FOXJ3: variants seen among roughly 807,000 people sequenced by gnomAD.
The protein encoded by FOXJ3 is forkhead box J3, also known as forkhead box protein J3.
FOXJ3 carries 22 observed loss-of-function variants against 76.1 expected under a neutral mutation model. That is an observed-to-expected ratio of 0.29 (90% confidence interval 0.21 to 0.41). The LOEUF (loss-of-function observed/expected upper bound fraction) is 0.41. Ranked by LOEUF, FOXJ3 falls within the 10% of genes least tolerant of loss-of-function variation. FOXJ3 has a pLI of 1.00. For missense variants in FOXJ3, 613 were observed against 762.1 expected (o/e 0.80, Z 2.30); for synonymous variants, 269 against 261.2 (o/e 1.03, Z -0.29).
intron 4 of FOXJ3, among the ~76,000 whole-genome samples, chr1:42,246,507 T>C (rs1002951065): frequency 7.2e-5 from 11 of 151,938 alleles, no homozygotes; most frequent in African/African-American, 2.2e-4. Flanking sequence ...TTAGAATAGC[T>C]GTGATTAAAA....
chr1:42,216,025 T>C (rs1647057359), intron 5 of FOXJ3, among the ~76,000 whole-genome samples: 1 of 152,018 alleles, frequency 6.6e-6, no homozygotes, highest in Admixed American at 6.6e-5. Flanking sequence ...CATATACATA[T>C]ATATGTGAAA....
intron 5 of FOXJ3, among the ~76,000 whole-genome samples, chr1:42,209,952 G>A (rs1557639547): frequency 6.6e-6 from 1 of 152,172 alleles, no homozygotes; most frequent in Non-Finnish European, 1.5e-5. Context: ...AGACCTGGAG[G>A]GATATGGCCT....
intron 4 of FOXJ3, among the ~76,000 whole-genome samples, chr1:42,256,794 T>C (rs1034607449): frequency 1.3e-5 from 2 of 152,226 alleles, no homozygotes; most frequent in Non-Finnish European, 1.5e-5. Flanking sequence ...TCTTTATTAA[T>C]AGCGTAAAAC....
chr1:42,180,175 G>T (rs771528611), intron 12 of FOXJ3, among the ~76,000 whole-genome samples: 1 of 152,200 alleles, frequency 6.6e-6, no homozygotes, highest in Non-Finnish European at 1.5e-5. Flanking sequence ...CCAATACGTT[G>T]TTTCAGTAAC....
chr1:42,304,958 C>A (rs979443689), intron 2 of FOXJ3, among the ~76,000 whole-genome samples: 17 of 152,070 alleles, frequency 1.1e-4, no homozygotes, highest in African/African-American at 3.6e-4. Flanking sequence ...AAGAGACAAG[C>A]CACAAAATGG....
At chr1:42,260,795 C>T (rs1486388353) in intron 4 of FOXJ3, among the ~76,000 whole-genome samples, 1 of 152,212 alleles carries the variant, frequency 6.6e-6, no homozygotes, top group Non-Finnish European at 1.5e-5. Context: ...GGCTTTACAA[C>T]TTCCCATTCC....
chr1:42,233,870 G>C (rs1648359053), intron 4 of FOXJ3, among the ~76,000 whole-genome samples: 1 of 150,296 alleles, frequency 6.7e-6, no homozygotes, highest in African/African-American at 2.5e-5. Context: ...CCTGTCTTGT[G>C]CCAGTTTTCA....
intron 2 of FOXJ3, among the ~76,000 whole-genome samples, chr1:42,279,902 C>A (rs781504674): frequency 5.3e-5 from 8 of 151,994 alleles, no homozygotes; most frequent in Non-Finnish European, 1.0e-4. Context: ...TTCCAAATGG[C>A]TCCTGACAAA....
chr1:42,229,655 C>A (rs1647902237), intron 4 of FOXJ3, among the ~76,000 whole-genome samples: 1 of 152,082 alleles, frequency 6.6e-6, no homozygotes, highest in Admixed American at 6.5e-5. Flanking sequence ...GTGGTAAGAA[C>A]CTGCTAGGTA....
intron 4 of FOXJ3, among the ~76,000 whole-genome samples, chr1:42,257,994 T>G (rs929657863): frequency 6.6e-6 from 1 of 152,166 alleles, no homozygotes; most frequent in Non-Finnish European, 1.5e-5. Context: ...CCAAAAATGC[T>G]AATATTAATT....
intron 2 of FOXJ3, among the ~76,000 whole-genome samples, chr1:42,304,567 C>A (rs978274514): frequency 1.3e-5 from 2 of 152,092 alleles, no homozygotes; most frequent in African/African-American, 4.8e-5. Flanking sequence ...ACCAATGGAA[C>A]AGGATAGAGA....
rs1229990396 is a variant in FOXJ3, at chr1:42,278,465, G to A, written c.252C>T (p.Ala84=). ...TATTAATTGCAAATGTAATGAGGCT[G>A]GCATAACTGTATGGAGGTTTCCCAT... ...HKDGKPPYSY[A]SLITFAINSS... is the part of the protein sequence containing the mutation. Residue 84 remains alanine, a synonymous_variant, in exon 3 of 13, where the codon GCC becomes GCT. Coordinates refer to ENST00000361346, the MANE Select transcript of FOXJ3 (RefSeq NM_014947.5). The A allele has an allele frequency of 3.7e-6, 6 of 1,613,920 alleles. No homozygotes were observed. The highest frequency in any genetic ancestry group is 1.6e-4 in the Middle Eastern group (1 of 6,084).
At chr1:42,309,313 C>G (rs1016387222) in intron 2 of FOXJ3, among the ~76,000 whole-genome samples, 4 of 152,198 alleles carry the variant, frequency 2.6e-5, no homozygotes, top group Non-Finnish European at 2.9e-5. Flanking sequence ...AAGGCAGCCT[C>G]CTGCCTTGGA....
chr1:42,261,367 G>A (rs1651023811), intron 4 of FOXJ3, among the ~76,000 whole-genome samples: 1 of 152,072 alleles, frequency 6.6e-6, no homozygotes. Context: ...AAGCAGCAAA[G>A]TGGATGCAAA....
intron 6 of FOXJ3, among the ~76,000 whole-genome samples, chr1:42,201,341 T>C (rs780288437): frequency 3.3e-5 from 5 of 152,248 alleles, no homozygotes; most frequent in Non-Finnish European, 5.9e-5. Flanking sequence ...AAGTTTTCAG[T>C]ATTTCACCAT....
chr1:42,212,145 T>A (rs1205074247), intron 5 of FOXJ3, among the ~76,000 whole-genome samples: 1 of 152,240 alleles, frequency 6.6e-6, no homozygotes, highest in Admixed American at 6.5e-5. Flanking sequence ...TCCCAGCTAC[T>A]CAGGAGGCTG....
intron 1 of FOXJ3, among the ~76,000 whole-genome samples, chr1:42,332,016 T>C (rs933450165): frequency 2.6e-5 from 4 of 152,198 alleles, no homozygotes; most frequent in Non-Finnish European, 5.9e-5. Flanking sequence ...CAATTTTCTC[T>C]CTAAGTTTAC....
Position 42,278,499 on chromosome 1 carries a change from T to C in FOXJ3, c.218A>G (p.Gln73Arg), listed in dbSNP as rs1652457726. 1 of 1,614,212 alleles carries C rather than the reference T, an allele frequency of 6.2e-7. No homozygotes were observed. ...GTATGGAGGTTTCCCATCTTTGTGC[T>C]GTTGGACTTCTTCCTGGTCCAGAGT... ...NTTLDQEEVQ[Q>R]HKDGKPPYSY... The change falls in exon 3 of 13, where the codon CAG becomes CGG. Residue 73 changes from glutamine (Q) to arginine (R), a missense_variant. Physicochemically the swap from Gln to Arg is conservative, Grantham distance 43. Coordinates refer to ENST00000361346, the MANE Select transcript of FOXJ3 (RefSeq NM_014947.5).
At chr1:42,199,898 GCAAA>G (rs1338109337) in intron 6 of FOXJ3, among the ~76,000 whole-genome samples, 1 of 144,928 alleles carries the variant, frequency 6.9e-6, no homozygotes, top group African/African-American at 2.5e-5. Context: ...TTAATTAGAA[GCAAA>G]CAAACAAAAA....
Sources: allele counts gnomAD v4.1 joint callset (sites outside exome capture counted in the v4.1 genomes callset), GRCh38; gene constraint gnomAD v4.1.1; transcripts MANE v1.5; gene names NCBI Gene and HGNC (gene_info 2026-07-23, HGNC 2026-07-21).